The following PARP9 variants were observed in gnomAD, a reference collection of about 807,000 sequenced individuals.
The protein encoded by PARP9 is poly(ADP-ribose) polymerase family member 9.
Under a neutral mutation model 68.8 loss-of-function variants are expected in PARP9, and 48 were observed. The observed-to-expected ratio is 0.70, with a 90% CI of 0.55 to 0.89. The LOEUF (loss-of-function observed/expected upper bound fraction) is 0.89. Ranked by LOEUF, PARP9 falls within the 40% of genes least tolerant of loss-of-function variation. The probability of loss-of-function intolerance (pLI) is 0.00; values close to 1 mark genes in which losing one functional copy is unlikely to be tolerated. For synonymous variants in PARP9, 309 were observed against 333.8 expected, an observed-to-expected ratio of 0.93 and a Z score of 0.81; for missense variants, 806 against 969.3, an observed-to-expected ratio of 0.83 and a Z score of 2.24.
chr3:122,535,762 AAATTTGGG>A (rs1183559561), intron 10 of PARP9: 3 of 1,006,834 alleles, frequency 3.0e-6, no homozygotes, highest in Non-Finnish European at 3.6e-6. Flanking sequence ...CAACTTTCTT[AAATTTGGG>A]AAAATGCCCT....
At chr3:122,563,568 G>C (rs1044996083) in intron 1 of PARP9, among the ~76,000 whole-genome samples, 1 of 152,036 alleles carries the variant, frequency 6.6e-6, no homozygotes, top group African/African-American at 2.4e-5. Flanking sequence ...GGCTCCCATT[G>C]TATTTCTGCT....
intron 2 of PARP9, among the ~76,000 whole-genome samples, chr3:122,558,800 T>C (rs1189422633): frequency 6.6e-6 from 1 of 152,212 alleles, no homozygotes; most frequent in African/African-American, 2.4e-5. Flanking sequence ...AGCCTTGAAC[T>C]CCTGGGCTGA....
rs550837951 is a variant in PARP9, at chr3:122,548,776, C to T, written c.1326+1808G>A. 3.6e-4 allele frequency among the ~76,000 whole-genome samples: 55 copies of T among 152,250 alleles called. No individual in the cohort carries two copies. In the South Asian group the frequency reaches 0.011, roughly 30 times the overall value. On this transcript the variant is annotated intron_variant, in intron 6 of 10. Coordinates refer to ENST00000682323, the MANE Select transcript of PARP9 (RefSeq NM_001146105.2). The stretch of plus-strand genomic sequence containing the variant: ...TGTTAGACCACAGCTGATTTCCTTC[C>T]GAGGTCACCTACAGATGAGCTAAAA...
At position 122,528,602 on chromosome 3, in the gene PARP9, G is replaced by A. The variant is rs140303946; in HGVS notation, c.2222C>T (p.Pro741Leu). ...VLTGFFCQGHPLNIVPPPLSP... is the reference protein window; with the variant it reads ...VLTGFFCQGHLLNIVPPPLSP... ...CAGTGGTGGGGGAACAATATTTAACGGATGTCCCTGGCAGAAGAAGCCTGT... is the reference window on the plus strand; with the variant it reads ...CAGTGGTGGGGGAACAATATTTAACAGATGTCCCTGGCAGAAGAAGCCTGT... The change falls in exon 11 of 11, where the codon CCG (proline) becomes CTG (leucine). Residue 741 changes from proline to leucine, a missense_variant. Physicochemically the swap from Pro to Leu is moderately conservative, Grantham distance 98 (BLOSUM62 -3). Coordinates refer to ENST00000682323, the MANE Select transcript of PARP9 (RefSeq NM_001146105.2). 4.2e-5 allele frequency: 68 copies of A among 1,614,132 alleles called. No individual in the cohort carries two copies. The African/African-American group carries it at 6.7e-4, about 16-fold the overall frequency.
intron 8 of PARP9, among the ~76,000 whole-genome samples, chr3:122,539,743 T>C (rs992977037): frequency 3.9e-5 from 6 of 152,050 alleles, no homozygotes; most frequent in African/African-American, 1.5e-4. Context: ...TTTGTATTTT[T>C]AGTAGAGACA....
intron 10 of PARP9, chr3:122,532,070 T>G (rs1391190250): frequency 1.2e-6 from 1 of 862,036 alleles, no homozygotes; most frequent in Non-Finnish European, 1.4e-6. Context: ...GACCCTGGCC[T>G]GACTCTGGTG....
chr3:122,529,163 A>C (rs1369058921), intron 10 of PARP9, among the ~76,000 whole-genome samples: 4 of 149,634 alleles, frequency 2.7e-5, no homozygotes, highest in Non-Finnish European at 4.4e-5. Flanking sequence ...ACTTGAACCC[A>C]GGAGTCGGAG....
At chr3:122,551,165 G>C (rs1241084221) in intron 5 of PARP9, among the ~76,000 whole-genome samples, 1 of 152,188 alleles carries the variant, frequency 6.6e-6, no homozygotes, top group Non-Finnish European at 1.5e-5. Flanking sequence ...TTTCATAAAG[G>C]AGATCGAGAT....
rs141713495 is a variant in PARP9, at chr3:122,563,051, T to A, written c.-90+1194A>T. ...AGTAAAGACGGGCCCATTTCCAGTC[T>A]TACCAGCCATGTGCAAAAACCTTAT... On this transcript the variant is annotated intron_variant, in intron 1 of 10. Coordinates refer to ENST00000682323, the MANE Select transcript of PARP9 (RefSeq NM_001146105.2). Among the ~76,000 whole-genome samples the A allele has an allele frequency of 7.7e-3, 1,169 of 152,288 alleles. 20 individuals are homozygous for A. Among genetic ancestry groups the A allele is most frequent in the Middle Eastern group, 0.054 (16 of 294 alleles).
chr3:122,548,109 C>G (rs137898501), intron 6 of PARP9, among the ~76,000 whole-genome samples: 1 of 152,306 alleles, frequency 6.6e-6, no homozygotes, highest in South Asian at 2.1e-4. Flanking sequence ...TCTTCTAAAT[C>G]TGTTTTCAGT....
At chr3:122,563,552 C>T (rs2080417022) in intron 1 of PARP9, among the ~76,000 whole-genome samples, 1 of 152,100 alleles carries the variant, frequency 6.6e-6, no homozygotes, top group Non-Finnish European at 1.5e-5. Context: ...TTAGAATGAA[C>T]CTACTGGCTC....
chr3:122,528,393 C>A lies in PARP9; in HGVS notation c.2431G>T (p.Gly811Ter). 5 of 1,613,854 alleles carry A rather than the reference C, an allele frequency of 3.1e-6. No homozygotes were observed. The highest frequency in any genetic ancestry group is 4.2e-6 in the Non-Finnish European group (5 of 1,179,840). Residue 811 changes from glycine to a stop codon, truncating the protein, a stop_gained, in exon 11 of 11, where the codon GGA (glycine) becomes TGA (stop). Transcript: ENST00000682323. LOFTEE classifies it high-confidence loss of function. ...TCAACAGGGCTGCCACTTGCGAATC[C>A]CCTCCAAGGATGCTGTGCAAAGGGT... The part of the protein sequence containing the change: ...MRPFAQHPWR[G>*]FASGSPVD
chr3:122,538,658 C>CCACACACACACA (rs10577699), intron 8 of PARP9, among the ~76,000 whole-genome samples: 6 of 144,942 alleles, frequency 4.1e-5, no homozygotes, highest in South Asian at 2.2e-4. Context: ...TAAAGCAATG[C>CCACACACACACA]CACACACACA....
At chr3:122,557,385 A>G (rs2079788875) in intron 3 of PARP9, among the ~76,000 whole-genome samples, 1 of 152,210 alleles carries the variant, frequency 6.6e-6, no homozygotes, top group Non-Finnish European at 1.5e-5. Context: ...GTCTGGCACA[A>G]TTTTGGTGAA....
chr3:122,528,473 C>T lies in PARP9; in HGVS notation c.2351G>A (p.Trp784Ter). 6.2e-7 allele frequency: 1 copy of T among 1,614,110 alleles called. No individual in the cohort carries two copies. The highest frequency in any genetic ancestry group is 1.1e-5 in the South Asian group (1 of 91,076). Residue 784 changes from tryptophan to a stop codon, truncating the protein, a stop_gained, in exon 11 of 11, where the codon TGG (tryptophan) becomes TAG (stop). Transcript: ENST00000682323. LOFTEE classifies it low-confidence loss of function (END_TRUNC). ...SGMQAIPQYL[W>*]TCTQEYVQSQ... ...CTGTACATATTCCTGGGTGCATGTC[C>T]ACAAATACTGAGGTATAGCCTGCAT...
rs2078614625 is a variant in PARP9 at position 122,545,291 on chromosome 3, G to T, written c.1384+141C>A. On this transcript the variant is annotated intron_variant, in intron 7 of 10. Transcript: ENST00000682323. Reference sequence around the variant, plus strand: ...AGAATCATGATCAGGGTAGAGAGTAGGCAGGTATCCAAGCAGGACCACAAT... The same window carrying T: ...AGAATCATGATCAGGGTAGAGAGTATGCAGGTATCCAAGCAGGACCACAAT... The T allele has an allele frequency of 2.6e-5, 20 of 773,870 alleles. No individual in the cohort carries two copies. In the South Asian group the frequency reaches 3.2e-4, roughly 12 times the overall value. 47.9% of individuals were successfully genotyped at this position (773,870 alleles called of 1,614,324 possible).
rs762252030 is a variant in PARP9 at position 122,528,656 on chromosome 3, A to G, written c.2168T>C (p.Leu723Pro). The G allele has an allele frequency of 4.3e-6, 7 of 1,614,194 alleles. No individual in the cohort carries two copies. In the South Asian group the frequency reaches 6.6e-5, roughly 15 times the overall value. ...TACTTCAGCCTCAAACACATAGATC[A>G]GCTTATCTGCAGCAGAGATTTTCTT... ...KAKKISAADK[L>P]IYVFEAEVLT... The change falls in exon 11 of 11, where the codon CTG (leucine) becomes CCG (proline). Residue 723 changes from leucine to proline, a missense_variant. Transcript: ENST00000682323.
intron 5 of PARP9, 95 bp downstream of exon 5, chr3:122,552,323 T>C: frequency 1.0e-6 from 1 of 967,338 alleles, no homozygotes; most frequent in African/African-American, 1.7e-5. Context: ...TGACAAAATA[T>C]TTCATGAATG....
At chr3:122,531,023 G>A (rs898600490) in intron 10 of PARP9, among the ~76,000 whole-genome samples, 1 of 152,158 alleles carries the variant, frequency 6.6e-6, no homozygotes, top group Non-Finnish European at 1.5e-5. Context: ...AGCCATTCAA[G>A]ATGTTATTTT....
Sources: gnomAD v4.1 joint callset for allele counts (sites outside exome capture counted in the v4.1 genomes callset) on GRCh38, gnomAD v4.1.1 for gene constraint, MANE v1.5 for transcripts, NCBI Gene and HGNC (gene_info 2026-07-23, HGNC 2026-07-21) for gene names.